SYT1: variants seen among roughly 807,000 people sequenced by gnomAD.
SYT1 encodes synaptotagmin-1.
Under a neutral mutation model 44.8 loss-of-function variants are expected in SYT1, and 8 were observed. The observed-to-expected ratio is 0.18, with a 90% CI of 0.10 to 0.32. The LOEUF is 0.32. SYT1 is among the 10% of genes least tolerant of loss of function. The pLI, the probability that SYT1 is intolerant of heterozygous loss-of-function variation, is 1.00. For missense variants in SYT1, 286 were observed against 509.3 expected, an observed-to-expected ratio of 0.56 and a Z score of 4.22; for synonymous variants, 154 against 188.8, an observed-to-expected ratio of 0.82 and a Z score of 1.51.
At chr12:79,391,839 C>A (rs1293964762) in intron 9 of SYT1, among the ~76,000 whole-genome samples, 2 of 152,114 alleles carry the variant, frequency 1.3e-5, no homozygotes, top group East Asian at 3.9e-4. Flanking sequence ...TGAGTACAAA[C>A]CTGCATATGA....
intron 3 of SYT1, among the ~76,000 whole-genome samples, chr12:79,152,524 G>C (rs1375749508): frequency 1.3e-5 from 2 of 152,204 alleles, no homozygotes; most frequent in East Asian, 1.9e-4. Flanking sequence ...ATGTATGAGA[G>C]AGGAATTATC....
chr12:79,229,408 T>C (rs1415539761), intron 4 of SYT1, among the ~76,000 whole-genome samples: 1 of 152,236 alleles, frequency 6.6e-6, no homozygotes, highest in Non-Finnish European at 1.5e-5. Flanking sequence ...ACATAGATAC[T>C]TAAATGTATA....
chr12:79,168,067 C>G (rs1256172701), intron 3 of SYT1, among the ~76,000 whole-genome samples: 1 of 152,084 alleles, frequency 6.6e-6, no homozygotes, highest in African/African-American at 2.4e-5. Flanking sequence ...CGGTCCAGTT[C>G]CTAACAGGCC....
chr12:79,338,850 G>C (rs1882220769), intron 8 of SYT1, among the ~76,000 whole-genome samples: 1 of 151,736 alleles, frequency 6.6e-6, no homozygotes, highest in Non-Finnish European at 1.5e-5. Flanking sequence ...GCCCGTGTGT[G>C]ATGTTCCCCA....
At chr12:79,443,310 A>G (rs1870531247) in intron 9 of SYT1, among the ~76,000 whole-genome samples, 1 of 152,190 alleles carries the variant, frequency 6.6e-6, no homozygotes, top group Non-Finnish European at 1.5e-5. Context: ...TAGATGCCTT[A>G]ACAGAGCAAT....
intron 3 of SYT1, among the ~76,000 whole-genome samples, chr12:79,160,654 T>A (rs180685009): frequency 9.9e-5 from 15 of 152,190 alleles, no homozygotes; most frequent in Admixed American, 7.9e-4. Flanking sequence ...ATATGCTATG[T>A]TGAAAGTGCT....
chr12:79,380,543 C>CA (rs1350746531), intron 9 of SYT1, among the ~76,000 whole-genome samples: 8 of 152,148 alleles, frequency 5.3e-5, no homozygotes, highest in Non-Finnish European at 1.2e-4. Context: ...TACAGATACA[C>CA]ACCACCCTGC....
chr12:79,225,582 A>T (rs1303421835), intron 4 of SYT1, among the ~76,000 whole-genome samples: 1 of 152,194 alleles, frequency 6.6e-6, no homozygotes, highest in Non-Finnish European at 1.5e-5. Context: ...GCAAACTTTC[A>T]CTTAAGGAAT....
At chr12:79,431,508 A>ATTT (rs34091989) in intron 9 of SYT1, among the ~76,000 whole-genome samples, 53,631 of 141,616 alleles carry the variant, frequency 0.38, 12,018 homozygotes, top group Non-Finnish European at 0.49. Context: ...ATTTTATTTT[A>ATTT]TTTTATTATT....
At chr12:79,395,308 T>C (rs1044987231) in intron 9 of SYT1, among the ~76,000 whole-genome samples, 3 of 152,162 alleles carry the variant, frequency 2.0e-5, no homozygotes, top group Admixed American at 6.6e-5. Flanking sequence ...AACCTCTGCC[T>C]CCCAGATTCA....
chr12:79,249,069 C>T (rs1218855771), intron 4 of SYT1, among the ~76,000 whole-genome samples: 2 of 147,154 alleles, frequency 1.4e-5, no homozygotes, highest in African/African-American at 5.0e-5. Flanking sequence ...AAATTATTCC[C>T]TCTTCTCTTT....
chr12:79,451,700 G>T lies in SYT1; in HGVS notation c.*2576G>T, dbSNP rs1285773076. ...ACATGTACCCTTCTGACAAAGCTGTGTAAAGTATTAGAATCTGATGCTCTA... is the reference window on the plus strand; with the variant it reads ...ACATGTACCCTTCTGACAAAGCTGTTTAAAGTATTAGAATCTGATGCTCTA... On this transcript the variant is annotated 3_prime_UTR_variant, in exon 11 of 11. Transcript: ENST00000261205. 6.6e-6 allele frequency: 1 copy of T among 152,184 alleles called. No homozygotes were observed. Among genetic ancestry groups the T allele is most frequent in the Non-Finnish European group, 1.5e-5 (1 of 68,038 alleles). 9.4% of individuals were successfully genotyped at this position (152,184 alleles called of 1,614,324 possible). A position where few individuals can be genotyped will look rare whatever the true frequency, so the allele number is the denominator to read the frequency against.
intron 8 of SYT1, among the ~76,000 whole-genome samples, chr12:79,336,982 C>T (rs138501082): frequency 1.3e-5 from 2 of 151,922 alleles, no homozygotes; most frequent in Admixed American, 1.3e-4. Context: ...GCCCCTAACA[C>T]TCCTTTAAAT....
rs143170436 is a variant in SYT1, at chr12:78,997,664, C to CT, written c.-84+19745dup. Among the ~76,000 whole-genome samples the CT allele has an allele frequency of 7.1e-3, 1,025 of 144,632 alleles. 6 individuals carry two copies. Among genetic ancestry groups the CT allele is most frequent in the East Asian group, 0.047 (237 of 5,044 alleles). 94.9% of individuals were successfully genotyped at this position (144,632 alleles called of 152,430 possible). A position where few individuals can be genotyped will look rare whatever the true frequency, so the allele number is the denominator to read the frequency against. On this transcript the variant is annotated intron_variant, in intron 2 of 10. Transcript: ENST00000261205. Reference sequence around the variant, plus strand: ...CCCTTTCTTTCCTTCTTTCTCTTTCCTTTTTTTTTTTTCTTTTTTTGAGAA... The same window carrying CT: ...CCCTTTCTTTCCTTCTTTCTCTTTCCTTTTTTTTTTTTTCTTTTTTTGAGAA...
intron 3 of SYT1, among the ~76,000 whole-genome samples, chr12:79,082,068 T>C (rs549906996): frequency 1.2e-4 from 18 of 152,320 alleles, no homozygotes; most frequent in African/African-American, 4.3e-4. Flanking sequence ...ATGAATAATG[T>C]AGTAAGCTGG....
In SYT1 at chr12:79,163,711, T is replaced by C. The variant is rs186232594; in HGVS notation, c.-17-53792T>C. 6.6e-5 allele frequency among the ~76,000 whole-genome samples: 10 copies of C among 152,142 alleles called. No individual in the cohort carries two copies. In the East Asian group the frequency reaches 1.9e-3, roughly 30 times the overall value. On this transcript the variant is annotated intron_variant, in intron 3 of 10. Transcript: ENST00000261205. ...TTGGTGTAGTCAAATAAATTACCAGTTGGACAGCAGCACCCGCCATCACCA... is the reference window on the plus strand; with the variant it reads ...TTGGTGTAGTCAAATAAATTACCAGCTGGACAGCAGCACCCGCCATCACCA...
At chr12:78,873,752 T>C (rs1183047733) in intron 1 of SYT1, among the ~76,000 whole-genome samples, 1 of 151,710 alleles carries the variant, frequency 6.6e-6, no homozygotes, top group Non-Finnish European at 1.5e-5. Context: ...CTATTGATAC[T>C]TTTTATCTTC....
intron 1 of SYT1, among the ~76,000 whole-genome samples, chr12:78,891,012 G>A (rs1875024619): frequency 6.6e-6 from 1 of 151,884 alleles, no homozygotes. Flanking sequence ...GATTCCTCAT[G>A]TATATGTGTA....
chr12:78,915,332 A>G (rs1876588223), intron 1 of SYT1, among the ~76,000 whole-genome samples: 2 of 152,068 alleles, frequency 1.3e-5, no homozygotes, highest in Non-Finnish European at 2.9e-5. Flanking sequence ...TAGCCCCAGA[A>G]GTAATATTAA....
Sources: allele counts gnomAD v4.1 joint callset (sites outside exome capture counted in the v4.1 genomes callset), GRCh38; gene constraint gnomAD v4.1.1; transcripts MANE v1.5; gene names NCBI Gene and HGNC (gene_info 2026-07-23, HGNC 2026-07-21).